Variants in L1TD1 observed in about 807,000 individuals in gnomAD.
The protein encoded by L1TD1 is LINE-1 type transposase domain-containing protein 1.
A neutral mutation model predicts 25.7 loss-of-function variants in L1TD1; 26 were observed. That is an observed-to-expected ratio of 1.01 (90% confidence interval 0.74 to 1.40). L1TD1 has a LOEUF of 1.40. L1TD1 is among the 40% of genes most tolerant of loss of function. The pLI is 0.00. For synonymous variants in L1TD1, 421 were observed against 335.6 expected, an observed-to-expected ratio of 1.25 and a Z score of -2.78; for missense variants, 1,130 against 975.0, an observed-to-expected ratio of 1.16 and a Z score of -2.12.
intron 2 of L1TD1, among the ~76,000 whole-genome samples, chr1:62,205,448 T>TTTTTTTTTTTTTA (rs1670727805): frequency 7.9e-6 from 1 of 125,814 alleles, no homozygotes; most frequent in Non-Finnish European, 1.7e-5. Context: ...TATATATTTT[T>TTTTTTTTTTTTTA]TTTTAGACAG....
rs868558605 is a variant in L1TD1, at chr1:62,210,053, G to A, written c.1279G>A (p.Asp427Asn). The change falls in exon 4 of 4, where the codon GAT becomes AAT. Residue 427 changes from aspartate to asparagine, a missense_variant. By Grantham distance (23) the Asp-to-Asn change is conservative. Transcript: ENST00000498273. ...EEEEASGLEE[D>N]EASGLEEEEE... ...AGAAGAGGCTTCAGGGTTGGAGGAG[G>A]ATGAGGCCTCAGGGCTAGAGGAGGA... 1 of 1,613,080 alleles carries A rather than the reference G, an allele frequency of 6.2e-7. No homozygotes were observed. The highest frequency in any genetic ancestry group is 8.5e-7 in the Non-Finnish European group (1 of 1,179,316).
At chr1:62,201,577 C>G (rs1036393015) in intron 2 of L1TD1, among the ~76,000 whole-genome samples, 1 of 151,746 alleles carries the variant, frequency 6.6e-6, no homozygotes, top group African/African-American at 2.4e-5. Flanking sequence ...AATATTTTCC[C>G]CCATTTGTTT....
At chr1:62,209,423 A>G (rs1388526488) in intron 3 of L1TD1, among the ~76,000 whole-genome samples, 2 of 151,828 alleles carry the variant, frequency 1.3e-5, no homozygotes, top group Admixed American at 6.6e-5. Flanking sequence ...ATGCCTATTT[A>G]CCATAGGACT....
At chr1:62,202,669 A>ATT (rs35815437) in intron 2 of L1TD1, among the ~76,000 whole-genome samples, 1,297 of 71,816 alleles carry the variant, frequency 0.018, 89 homozygotes, top group African/African-American at 0.056. Flanking sequence ...CCAGGGTTTA[A>ATT]TTTTTTTTTT....
At chr1:62,197,900 C>CAA (rs1287268828) in intron 2 of L1TD1, among the ~76,000 whole-genome samples, 1 of 151,832 alleles carries the variant, frequency 6.6e-6, no homozygotes, top group African/African-American at 2.4e-5. Flanking sequence ...CAAAACAAAA[C>CAA]AAAACAAAAC....
intron 2 of L1TD1, among the ~76,000 whole-genome samples, chr1:62,198,681 G>A (rs1670588935): frequency 6.6e-6 from 1 of 152,070 alleles, no homozygotes; most frequent in Admixed American, 6.6e-5. Flanking sequence ...ATTAAAGGAA[G>A]TTTATCCGCC....
At position 62,207,190 on chromosome 1, in the gene L1TD1, C is replaced by G; in HGVS notation, c.562C>G (p.Arg188Gly). 6.4e-7 allele frequency: 1 copy of G among 1,552,280 alleles called. No homozygotes were observed. The highest frequency in any genetic ancestry group is 8.7e-7 in the Non-Finnish European group (1 of 1,147,264). ...LCNIDDRDGN[R>G]NVHLEFTERE... ...CAATATAGATGACAGAGATGGAAAT[C>G]GCAATGTCCATTTAGAATTTACAGA... The change falls in exon 3 of 4, where the codon CGC (arginine) becomes GGC (glycine). Residue 188 changes from arginine to glycine, a missense_variant. Transcript: ENST00000498273.
intron 1 of L1TD1, among the ~76,000 whole-genome samples, chr1:62,195,547 G>A (rs1331302652): frequency 6.6e-6 from 1 of 151,130 alleles, no homozygotes; most frequent in Non-Finnish European, 1.5e-5. Context: ...TGAGGTCGGA[G>A]TTCGAGACCA....
At chr1:62,202,215 G>A (rs545901281) in intron 2 of L1TD1, among the ~76,000 whole-genome samples, 9 of 151,958 alleles carry the variant, frequency 5.9e-5, no homozygotes, top group African/African-American at 1.4e-4. Flanking sequence ...CAGGAGAATC[G>A]CTTGAACCTG....
At chr1:62,205,435 A>AT (rs1220640977) in intron 2 of L1TD1, among the ~76,000 whole-genome samples, 7 of 36,048 alleles carry the variant, frequency 1.9e-4, no homozygotes, top group African/African-American at 7.1e-4. Flanking sequence ...ATATATATAT[A>AT]TATATATATT....
chr1:62,196,329 CACAT>C (rs1670539175), intron 1 of L1TD1, 102 bp from the exon 2 acceptor site: 1 of 152,176 alleles, frequency 6.6e-6, no homozygotes, highest in Non-Finnish European at 1.5e-5. Flanking sequence ...TTTAAGCAAA[CACAT>C]GCATAGATAA....
In L1TD1 at chr1:62,211,432, C is replaced by T. The variant is rs1360595503; in HGVS notation, c.*60C>T. 2.6e-6 allele frequency: 4 copies of T among 1,519,580 alleles called. No individual in the cohort carries two copies. The highest frequency in any genetic ancestry group is 3.5e-6 in the Non-Finnish European group (4 of 1,140,052). 94.1% of individuals were successfully genotyped at this position (1,519,580 alleles called of 1,614,324 possible). A position where few individuals can be genotyped will look rare whatever the true frequency, so the allele number is the denominator to read the frequency against. ...CCCCCAGCATGCATCCAAAAATCAA[C>T]AAGTAAAACGAAAATACACTTCTAC... On this transcript the variant is annotated 3_prime_UTR_variant, in exon 4 of 4. Transcript: ENST00000498273.
chr1:62,197,395 A>T (rs1383352327), intron 2 of L1TD1, among the ~76,000 whole-genome samples: 4 of 74,524 alleles, frequency 5.4e-5, no homozygotes, highest in South Asian at 5.3e-4. Context: ...AAAAAAAATA[A>T]ATTATATATA....
rs143376274 is a variant in L1TD1, at chr1:62,206,855, A to T, written c.227A>T (p.Asp76Val). Residue 76 changes from aspartate (D) to valine (V), a missense_variant, in exon 3 of 4, where the codon GAC becomes GTC. Coordinates refer to ENST00000498273, the MANE Select transcript of L1TD1 (RefSeq NM_019079.5). ...GAGATGAGGGAAACTCTTAAAAATG[A>T]CCTAAAAGCAGTTTTAGGGGGAAAA... ...FEEMRETLKN[D>V]LKAVLGGKAT... is the part of the protein sequence containing the mutation. 54 of 1,612,740 alleles carry T rather than the reference A, an allele frequency of 3.3e-5. No individual in the cohort carries two copies. Among genetic ancestry groups the T allele is most frequent in the Non-Finnish European group, 3.9e-5 (46 of 1,179,508 alleles).
intron 2 of L1TD1, among the ~76,000 whole-genome samples, chr1:62,203,461 G>C (rs868716416): frequency 3.3e-5 from 5 of 151,690 alleles, no homozygotes; most frequent in Non-Finnish European, 5.9e-5. Context: ...TCACTCTGTC[G>C]CCCGGTACAG....
chr1:62,205,439 ATATAT>A (rs1276403389), intron 2 of L1TD1, among the ~76,000 whole-genome samples: 7 of 44,234 alleles, frequency 1.6e-4, no homozygotes, highest in East Asian at 6.0e-4. Context: ...ATATATATAT[ATATAT>A]TTTTTTTTAG....
chr1:62,210,006 C>G lies in L1TD1; in HGVS notation c.1232C>G (p.Ser411Ter). ...SGLEEEEEEP[S>*]GLEEEEEEEA... The stretch of plus-strand genomic sequence containing the variant: ...CTGGAGGAGGAGGAGGAAGAGCCCT[C>G]AGGGCTGGAGGAGGAAGAAGAAGAA... The change falls in exon 4 of 4, where the codon TCA (serine) becomes TGA (stop). Residue 411 changes from serine (S) to a stop codon, truncating the protein, a stop_gained. Transcript: ENST00000498273. LOFTEE classifies it low-confidence loss of function (END_TRUNC). The G allele has an allele frequency of 6.3e-7, 1 of 1,598,220 alleles. No individual in the cohort carries two copies.
intron 2 of L1TD1, among the ~76,000 whole-genome samples, chr1:62,197,233 C>T (rs894213764): frequency 6.7e-6 from 1 of 150,314 alleles, no homozygotes; most frequent in Admixed American, 6.6e-5. Flanking sequence ...TAAAAAGTAC[C>T]AAAATTAGCT....
Position 62,210,791 on chromosome 1 carries a change from T to C in L1TD1, c.2017T>C (p.Phe673Leu). The change falls in exon 4 of 4, where the codon TTC becomes CTC. Residue 673 changes from phenylalanine to leucine, a missense_variant. Coordinates refer to ENST00000498273, the MANE Select transcript of L1TD1 (RefSeq NM_019079.5). ...IDSLEDQIEEFSKDTMQMTKQ... is the reference protein window; with the variant it reads ...IDSLEDQIEELSKDTMQMTKQ... ...CAGTCTAGAAGATCAAATTGAAGAA[T>C]TCTCTAAGGATACAATGCAAATGAC... The C allele has an allele frequency of 6.5e-7, 1 of 1,550,220 alleles. No individual in the cohort carries two copies. Among genetic ancestry groups the C allele is most frequent in the African/African-American group, 1.4e-5 (1 of 72,968 alleles).
Sources: allele counts gnomAD v4.1 joint callset (sites outside exome capture counted in the v4.1 genomes callset), GRCh38; gene constraint gnomAD v4.1.1; transcripts MANE v1.5; gene names NCBI Gene and HGNC (gene_info 2026-07-23, HGNC 2026-07-21).